The following PRKN variants were observed in gnomAD, a reference collection of about 807,000 sequenced individuals.
PRKN encodes the protein parkin RBR E3 ubiquitin protein ligase, also known as E3 ubiquitin-protein ligase parkin.
In PRKN, 56 loss-of-function variants were observed where a neutral mutation model predicts 59.5. The ratio of observed to expected loss-of-function variants is 0.94; its 90% CI spans 0.76 to 1.18. The LOEUF (loss-of-function observed/expected upper bound fraction) is 1.18. Among genes scored for constraint, PRKN ranks in the 50% most tolerant of loss-of-function variants. PRKN has a pLI of 0.00. For missense variants in PRKN, 657 were observed against 596.4 expected (o/e 1.10, Z -1.06); for synonymous variants, 250 against 222.1 (o/e 1.13, Z -1.12).
At chr6:162,094,406 C>A (rs1779642975) in intron 4 of PRKN, among the ~76,000 whole-genome samples, 1 of 152,036 alleles carries the variant, frequency 6.6e-6, no homozygotes, top group African/African-American at 2.4e-5. Flanking sequence ...ATTGCTTGGG[C>A]CCAGGAGGTT....
At chr6:162,354,902 A>T (rs1344366776) in intron 2 of PRKN, among the ~76,000 whole-genome samples, 4 of 152,012 alleles carry the variant, frequency 2.6e-5, no homozygotes, top group African/African-American at 9.7e-5. Flanking sequence ...GAGACTCTTA[A>T]AATATCATAT....
chr6:162,350,518 A>G (rs1002937909), intron 2 of PRKN, among the ~76,000 whole-genome samples: 1 of 152,184 alleles, frequency 6.6e-6, no homozygotes, highest in South Asian at 2.1e-4. Context: ...CCAGAAACAG[A>G]CACAAACATG....
chr6:162,214,753 C>T (rs1777565092), intron 3 of PRKN, among the ~76,000 whole-genome samples: 1 of 152,198 alleles, frequency 6.6e-6, no homozygotes, highest in Non-Finnish European at 1.5e-5. Context: ...CCTAATTTCT[C>T]AAGGCTCTCT....
rs1172469557 is a variant in PRKN, at chr6:161,429,486, A to G, written c.1084-42609T>C. Among the ~76,000 whole-genome samples, 1 of 152,196 alleles carries G rather than the reference A, an allele frequency of 6.6e-6. No homozygotes were observed. Among genetic ancestry groups the G allele is most frequent in the Admixed American group, 6.5e-5 (1 of 15,278 alleles). On this transcript the variant is annotated intron_variant, in intron 9 of 11. Coordinates refer to ENST00000366898, the MANE Select transcript of PRKN (RefSeq NM_004562.3). The surrounding 1 kb of genome is among the most constrained non-coding windows in gnomAD (Gnocchi z 4.2). ...TGTGGTGAGGCAGGGTGGTATCCCC[A>G]GAGCTGAGACCTTGCAATGGCTAGG... is the stretch of plus-strand genomic sequence containing the variant.
chr6:162,149,781 C>T (rs748881177), intron 4 of PRKN, among the ~76,000 whole-genome samples: 6 of 152,080 alleles, frequency 3.9e-5, no homozygotes, highest in Admixed American at 6.6e-5. Flanking sequence ...GGACTGCAGC[C>T]GTCAGTGTCA....
chr6:162,066,077 T>C (rs953888226), intron 4 of PRKN, among the ~76,000 whole-genome samples: 1 of 152,188 alleles, frequency 6.6e-6, no homozygotes, highest in Non-Finnish European at 1.5e-5. Flanking sequence ...ATCCTTTGGG[T>C]ATATACCCAG....
intron 9 of PRKN, among the ~76,000 whole-genome samples, chr6:161,528,307 A>T (rs1410377196): frequency 5.3e-5 from 8 of 152,220 alleles, no homozygotes; most frequent in Non-Finnish European, 2.9e-5. Flanking sequence ...CCATAGCTGT[A>T]GTGGGTGCAC....
intron 1 of PRKN, among the ~76,000 whole-genome samples, chr6:162,564,062 T>C (rs1351779949): frequency 2.0e-5 from 3 of 151,604 alleles, no homozygotes; most frequent in African/African-American, 7.3e-5. Flanking sequence ...CTAAGAGTAA[T>C]TGGGCTGGGT....
intron 5 of PRKN, among the ~76,000 whole-genome samples, chr6:161,996,735 T>C (rs1193917616): frequency 3.3e-5 from 5 of 152,104 alleles, no homozygotes; most frequent in African/African-American, 9.7e-5. Context: ...TTAGTATATG[T>C]GAAGGGAACA....
At chr6:161,685,065 G>A (rs9355924) in intron 7 of PRKN, among the ~76,000 whole-genome samples, 48,730 of 151,952 alleles carry the variant, frequency 0.32, 9,580 homozygotes, top group East Asian at 0.49. Flanking sequence ...TTAGAACATC[G>A]AATACTTCTA....
chr6:162,710,457 G>A (rs1341994504), intron 1 of PRKN, among the ~76,000 whole-genome samples: 4 of 150,198 alleles, frequency 2.7e-5, no homozygotes, highest in Non-Finnish European at 5.9e-5. Flanking sequence ...CAACTGTTAT[G>A]AGTCCAAGTT....
intron 2 of PRKN, among the ~76,000 whole-genome samples, chr6:162,399,924 G>A (rs950404605): frequency 1.3e-5 from 2 of 152,188 alleles, no homozygotes; most frequent in Non-Finnish European, 2.9e-5. Flanking sequence ...TCAAAGAAGA[G>A]GCTGGGCACA....
rs927727175 is a variant in PRKN, at chr6:162,542,902, C to T, written c.8-99429G>A. On this transcript the variant is annotated intron_variant, in intron 1 of 11. Coordinates refer to ENST00000366898, the MANE Select transcript of PRKN (RefSeq NM_004562.3). ...TGTAGCGGGGGGCTCACTGCTCCGC[C>T]GAGTGCCCTAACCACTGATGGACAC... Among the ~76,000 whole-genome samples the T allele has an allele frequency of 2.6e-5, 4 of 152,166 alleles. No individual in the cohort carries two copies. In the South Asian group the frequency reaches 6.2e-4, roughly 24 times the overall value.
At chr6:161,797,618 T>C (rs948168352) in intron 6 of PRKN, among the ~76,000 whole-genome samples, 1 of 152,272 alleles carries the variant, frequency 6.6e-6, no homozygotes, top group Non-Finnish European at 1.5e-5. Flanking sequence ...TTGTCTGAAG[T>C]AGAGTGGTTT....
At chr6:161,884,674 G>C (rs1795064824) in intron 6 of PRKN, among the ~76,000 whole-genome samples, 1 of 152,132 alleles carries the variant, frequency 6.6e-6, no homozygotes, top group African/African-American at 2.4e-5. Context: ...ACTTAGCAGA[G>C]AGTACTCATG....
intron 9 of PRKN, among the ~76,000 whole-genome samples, chr6:161,535,473 G>C (rs1779378708): frequency 6.6e-6 from 1 of 152,188 alleles, no homozygotes; most frequent in African/African-American, 2.4e-5. Context: ...AAAGGAGACA[G>C]AAAAGACACC....
intron 7 of PRKN, among the ~76,000 whole-genome samples, chr6:161,634,013 C>CACACAG (rs2128155754): frequency 6.6e-6 from 1 of 151,420 alleles, no homozygotes; most frequent in East Asian, 1.9e-4. Flanking sequence ...CACACACACA[C>CACACAG]ACACACACAC....
At chr6:162,193,110 T>C (rs1021418851) in intron 4 of PRKN, among the ~76,000 whole-genome samples, 7 of 152,222 alleles carry the variant, frequency 4.6e-5, no homozygotes, top group African/African-American at 1.7e-4. Context: ...TACTGTGGGC[T>C]GGATGAAAAT....
At chr6:162,568,749 C>G in intron 1 of PRKN, 1 of 750,132 alleles carries the variant, frequency 1.3e-6, no homozygotes, top group East Asian at 2.5e-5. Flanking sequence ...CATCAACAAC[C>G]CTAGGGGGCA....
Sources: gnomAD v4.1 joint callset for allele counts (sites outside exome capture counted in the v4.1 genomes callset) on GRCh38, gnomAD v4.1.1 for gene constraint, Gnocchi (gnomAD v3.1) non-coding constraint, MANE v1.5 for transcripts, NCBI Gene and HGNC (gene_info 2026-07-23, HGNC 2026-07-21) for gene names.